The following NAV3 variants were observed in gnomAD, a reference collection of about 807,000 sequenced individuals.
NAV3 encodes neuron navigator 3, also known as pore membrane and/or filament interacting like protein 1.
A neutral mutation model predicts 244.7 loss-of-function variants in NAV3; 87 were observed. That is an observed-to-expected ratio of 0.36 (90% confidence interval 0.30 to 0.42). The LOEUF (loss-of-function observed/expected upper bound fraction) is 0.42, where lower values mean the gene tolerates loss of function less well. Among genes scored for constraint, NAV3 ranks in the 20% least tolerant of loss-of-function variants. The probability of loss-of-function intolerance (pLI) is 1.00; values close to 1 mark genes in which losing one functional copy is unlikely to be tolerated. For synonymous variants in NAV3, 1,126 were observed against 1,042.2 expected (o/e 1.08, Z -1.55); for missense variants, 2,663 against 2,893.3 (o/e 0.92, Z 1.83).
At position 78,101,726 on chromosome 12, in the gene NAV3, A is replaced by G. The variant is rs184578374; in HGVS notation, c.2637-15046A>G. 2.6e-5 allele frequency among the ~76,000 whole-genome samples: 4 copies of G among 152,134 alleles called. No individual in the cohort carries two copies. In the South Asian group the frequency reaches 8.3e-4, roughly 31 times the overall value. On this transcript the variant is annotated intron_variant, in intron 12 of 39. Coordinates refer to ENST00000397909, the MANE Select transcript of NAV3 (RefSeq NM_001024383.2). ...AGCGGTTGCAATGCTCAAACTTGAC[A>G]GGTAATGCACTGTGTTTGCTGATAT...
chr12:77,845,343 G>C (rs1002278), intron 1 of NAV3, among the ~76,000 whole-genome samples: 1 of 151,926 alleles, frequency 6.6e-6, no homozygotes, highest in Non-Finnish European at 1.5e-5. Flanking sequence ...AGAGGACCAT[G>C]TGCTCTTGGA....
chr12:78,148,617 C>T (rs7485382), intron 21 of NAV3, among the ~76,000 whole-genome samples: 2,243 of 152,134 alleles, frequency 0.015, 65 homozygotes, highest in African/African-American at 0.051. Flanking sequence ...AGCAAGTGAG[C>T]GTACTTTGAT....
chr12:78,147,856 A>G (rs910078184), intron 21 of NAV3, among the ~76,000 whole-genome samples: 1 of 152,046 alleles, frequency 6.6e-6, no homozygotes, highest in Non-Finnish European at 1.5e-5. Flanking sequence ...TTGTTTTTGA[A>G]GAAATGAGAA....
chr12:78,179,354 C>A, intron 28 of NAV3, 175 bp from the exon 29 acceptor site: 2 of 560,492 alleles, frequency 3.6e-6, no homozygotes, highest in Non-Finnish European at 5.9e-6. Flanking sequence ...CCGTTTTGAA[C>A]CTGTGAATGC....
chr12:78,188,844 C>A (rs536721485), intron 33 of NAV3, 67 bp downstream of exon 33: 24 of 1,460,858 alleles, frequency 1.6e-5, no homozygotes, highest in Middle Eastern at 3.6e-4. Flanking sequence ...TGCCCCCCGC[C>A]CCTTTTTGGC....
At chr12:78,161,075 A>G (rs1386824228) in intron 23 of NAV3, among the ~76,000 whole-genome samples, 1 of 152,094 alleles carries the variant, frequency 6.6e-6, no homozygotes, top group Non-Finnish European at 1.5e-5. Context: ...GAAAGAATAA[A>G]AACACTGGGC....
chr12:77,748,987 A>G (rs1350359012), intron 2 of NAV3, among the ~76,000 whole-genome samples: 2 of 152,238 alleles, frequency 1.3e-5, no homozygotes, highest in African/African-American at 2.4e-5. Flanking sequence ...TGTTAAATGT[A>G]TACAATTTTA....
intron 9 of NAV3, among the ~76,000 whole-genome samples, chr12:78,031,383 T>C (rs1381920003): frequency 6.6e-6 from 1 of 152,052 alleles, no homozygotes; most frequent in East Asian, 1.9e-4. Context: ...GAAATTGATA[T>C]AAGTGGAGCC....
chr12:78,051,046 A>G lies in NAV3; in HGVS notation c.2415A>G (p.Ala805=). ...NMSQIDMSEK[A]SSDLDMSSEV... is the part of the protein sequence containing the mutation. ...CACAGATTGACATGAGTGAGAAAGC[A>G]AGCAGTGACCTGGACATGTCTTCTG... is the stretch of plus-strand genomic sequence containing the variant. Residue 805 remains alanine (A), a synonymous_variant, in exon 11 of 40, where the codon GCA becomes GCG. Transcript: ENST00000397909. 1 of 1,614,158 alleles carries G rather than the reference A, an allele frequency of 6.2e-7. No homozygotes were observed. The highest frequency in any genetic ancestry group is 8.5e-7 in the Non-Finnish European group (1 of 1,180,032).
intron 2 of NAV3, among the ~76,000 whole-genome samples, chr12:77,586,378 CA>C (rs1869615414): frequency 6.6e-6 from 1 of 152,140 alleles, no homozygotes; most frequent in Middle Eastern, 3.4e-3. Context: ...AGATTCTTTC[CA>C]AAATTCAGAA....
chr12:77,644,581 G>T (rs967357573), intron 2 of NAV3, among the ~76,000 whole-genome samples: 2 of 151,974 alleles, frequency 1.3e-5, no homozygotes, highest in African/African-American at 4.8e-5. Context: ...GACTTTTGAC[G>T]ATAAAGCTCT....
At chr12:77,585,379 C>G (rs543886205) in intron 2 of NAV3, among the ~76,000 whole-genome samples, 1 of 152,290 alleles carries the variant, frequency 6.6e-6, no homozygotes, top group South Asian at 2.1e-4. Context: ...GATTCTATCT[C>G]TTTTACCTGG....
At chr12:78,156,303 T>A (rs987488806) in intron 22 of NAV3, among the ~76,000 whole-genome samples, 1 of 152,216 alleles carries the variant, frequency 6.6e-6, no homozygotes, top group South Asian at 2.1e-4. Context: ...GATCAGATGG[T>A]TGTAGGTGTT....
At chr12:78,015,500 T>TG (rs1266269093) in intron 8 of NAV3, among the ~76,000 whole-genome samples, 1 of 151,940 alleles carries the variant, frequency 6.6e-6, no homozygotes, top group Non-Finnish European at 1.5e-5. Context: ...ATGTATTTTT[T>TG]TTGTCAGGAA....
chr12:78,193,361 A>G (rs1959064659), intron 34 of NAV3, among the ~76,000 whole-genome samples: 1 of 152,176 alleles, frequency 6.6e-6, no homozygotes, highest in African/African-American at 2.4e-5. Context: ...TTAGTAGAGA[A>G]TACATGGTCA....
intron 1 of NAV3, among the ~76,000 whole-genome samples, chr12:77,863,634 C>T (rs1879582335): frequency 1.3e-5 from 2 of 151,602 alleles, no homozygotes; most frequent in Admixed American, 6.6e-5. Context: ...TTTCTTGATT[C>T]ATTGACAGAA....
chr12:77,762,864 A>G (rs1373487294), intron 2 of NAV3, among the ~76,000 whole-genome samples: 1 of 152,156 alleles, frequency 6.6e-6, no homozygotes, highest in Non-Finnish European at 1.5e-5. Context: ...TATTGAAGCA[A>G]TATGGACTTT....
At chr12:78,176,178 T>A (rs966112993) in intron 25 of NAV3, among the ~76,000 whole-genome samples, 3 of 151,936 alleles carry the variant, frequency 2.0e-5, no homozygotes, top group African/African-American at 7.2e-5. Flanking sequence ...CAGGGGAAGA[T>A]ACTGTTACTG....
intron 9 of NAV3, among the ~76,000 whole-genome samples, chr12:78,029,234 T>C (rs181531690): frequency 1.3e-5 from 2 of 151,408 alleles, no homozygotes; most frequent in East Asian, 3.9e-4. Flanking sequence ...AAAAAGTGGA[T>C]ATCAAAGAAA....
Sources: allele counts gnomAD v4.1 joint callset (sites outside exome capture counted in the v4.1 genomes callset), GRCh38; gene constraint gnomAD v4.1.1; transcripts MANE v1.5; gene names NCBI Gene and HGNC (gene_info 2026-07-23, HGNC 2026-07-21).